Variants in IL4 observed in about 807,000 individuals in gnomAD.
The protein encoded by IL4 is interleukin-4.
A neutral mutation model predicts 17.4 loss-of-function variants in IL4; 10 were observed. That is an observed-to-expected ratio of 0.57 (90% confidence interval 0.35 to 0.97). The LOEUF is 0.97. Among genes scored for constraint, IL4 ranks in the 50% least tolerant of loss-of-function variants. The probability of loss-of-function intolerance (pLI) is 0.01; values close to 1 mark genes in which losing one functional copy is unlikely to be tolerated. For synonymous variants in IL4, 87 were observed against 79.0 expected, an observed-to-expected ratio of 1.10 and a Z score of -0.54; for missense variants, 174 against 187.7, an observed-to-expected ratio of 0.93 and a Z score of 0.43.
chr5:132,679,263 G>A (rs79174766), intron 2 of IL4, among the ~76,000 whole-genome samples: 278 of 152,306 alleles, frequency 1.8e-3, no homozygotes, highest in African/African-American at 6.4e-3. Flanking sequence ...TCCAGGGAAA[G>A]CTGGATTTTA....
At position 132,682,625 on chromosome 5, in the gene IL4, T is replaced by TAAG; in HGVS notation, c.*39_*41dup. 1 of 1,016,362 alleles carries TAAG rather than the reference T, an allele frequency of 9.8e-7. No homozygotes were observed. The highest frequency in any genetic ancestry group is 1.5e-6 in the Non-Finnish European group (1 of 674,254). 63.0% of individuals were successfully genotyped at this position (1,016,362 alleles called of 1,614,324 possible). On this transcript the variant is annotated 3_prime_UTR_variant, in exon 4 of 4. Coordinates refer to ENST00000231449, the MANE Select transcript of IL4 (RefSeq NM_000589.4). ...ATGAGTTTTTGATAGCTTTATTTTT[T>TAAG]AAGTATTTATATATTTATAACTCAT...
chr5:132,682,545 A>G lies in IL4; in HGVS notation c.420A>G (p.Leu140=), dbSNP rs1013339964. ...QSTLENFLER[L]KTIMREKYSK... is the part of the protein sequence containing the mutation. ...CGTTGGAAAACTTCTTGGAAAGGCT[A>G]AAGACGATCATGAGAGAGAAATATT... The change falls in exon 4 of 4, where the codon CTA becomes CTG. Residue 140 remains leucine (L), a synonymous_variant. Coordinates refer to ENST00000231449, the MANE Select transcript of IL4 (RefSeq NM_000589.4). 6.2e-7 allele frequency: 1 copy of G among 1,611,470 alleles called. No individual in the cohort carries two copies. Among genetic ancestry groups the G allele is most frequent in the African/African-American group, 1.3e-5 (1 of 75,006 alleles).
At chr5:132,677,192 G>C (rs1304330886) in intron 2 of IL4, among the ~76,000 whole-genome samples, 1 of 152,190 alleles carries the variant, frequency 6.6e-6, no homozygotes. Context: ...CAATCGGGCT[G>C]GATTTATATG....
rs1166947252 is a variant in IL4, at chr5:132,674,088, T to A, written c.38T>A (p.Phe13Tyr). 5 of 1,614,164 alleles carry A rather than the reference T, an allele frequency of 3.1e-6. No individual in the cohort carries two copies. Among genetic ancestry groups the A allele is most frequent in the Non-Finnish European group, 4.2e-6 (5 of 1,180,010 alleles). Reference sequence around the variant, plus strand: ...TCCCAACTGCTTCCCCCTCTGTTCTTCCTGCTAGCATGTGCCGGCAACTTT... The same window carrying A: ...TCCCAACTGCTTCCCCCTCTGTTCTACCTGCTAGCATGTGCCGGCAACTTT... Reference protein sequence around the residue: ...LTSQLLPPLFFLLACAGNFVH... With the variant: ...LTSQLLPPLFYLLACAGNFVH... Residue 13 changes from phenylalanine to tyrosine, a missense_variant, in exon 1 of 4, where the codon TTC becomes TAC. Physicochemically the swap from Phe to Tyr is conservative, Grantham distance 22 (BLOSUM62 3). Transcript: ENST00000231449.
At chr5:132,679,987 T>C in intron 3 of IL4, 97 bp downstream of exon 3, 1 of 988,690 alleles carries the variant, frequency 1.0e-6, no homozygotes, top group Non-Finnish European at 1.5e-6. Context: ...GCACCCTTGG[T>C]CAACCCATTC....
chr5:132,676,214 T>C (rs995000627), intron 2 of IL4, among the ~76,000 whole-genome samples: 5 of 152,150 alleles, frequency 3.3e-5, no homozygotes, highest in African/African-American at 1.2e-4. Flanking sequence ...TCTTCACACC[T>C]CTCTGCACCT....
chr5:132,677,835 T>A (rs1280279835), intron 2 of IL4: 1 of 152,166 alleles, frequency 6.6e-6, no homozygotes, highest in Non-Finnish European at 1.5e-5. Context: ...CCGCCCCCCA[T>A]CAGCCCGTGT....
chr5:132,682,545 A>T lies in IL4; in HGVS notation c.420A>T (p.Leu140=). ...QSTLENFLER[L]KTIMREKYSK... The stretch of plus-strand genomic sequence containing the variant: ...CGTTGGAAAACTTCTTGGAAAGGCT[A>T]AAGACGATCATGAGAGAGAAATATT... Residue 140 remains leucine (L), a synonymous_variant, in exon 4 of 4, where the codon CTA becomes CTT. Coordinates refer to ENST00000231449, the MANE Select transcript of IL4 (RefSeq NM_000589.4). 2 of 1,611,470 alleles carry T rather than the reference A, an allele frequency of 1.2e-6. No individual in the cohort carries two copies. Among genetic ancestry groups the T allele is most frequent in the Non-Finnish European group, 1.7e-6 (2 of 1,177,712 alleles).
chr5:132,675,294 T>C (rs1002920405), intron 2 of IL4, among the ~76,000 whole-genome samples: 2 of 152,206 alleles, frequency 1.3e-5, no homozygotes, highest in Non-Finnish European at 2.9e-5. Flanking sequence ...AACACACGGC[T>C]GAGAATGAAA....
intron 2 of IL4, among the ~76,000 whole-genome samples, chr5:132,679,199 G>C (rs556168161): frequency 6.6e-6 from 1 of 152,344 alleles, no homozygotes; most frequent in African/African-American, 2.4e-5. Context: ...GGCCAAAGCA[G>C]CAGAGTTCAG....
intron 2 of IL4, among the ~76,000 whole-genome samples, chr5:132,675,792 C>T (rs1485939558): frequency 1.3e-5 from 2 of 151,864 alleles, no homozygotes; most frequent in South Asian, 2.1e-4. Flanking sequence ...TCAAGCAATC[C>T]GTCCACCTCG....
At chr5:132,677,737 G>T (rs1204113659) in intron 2 of IL4, 1 of 151,440 alleles carries the variant, frequency 6.6e-6, no homozygotes, top group Non-Finnish European at 1.5e-5. Flanking sequence ...AGAAGCAAAG[G>T]GCTGACTTTT....
chr5:132,675,687 G>A (rs551566867), intron 2 of IL4, among the ~76,000 whole-genome samples: 16 of 151,920 alleles, frequency 1.1e-4, no homozygotes, highest in Non-Finnish European at 1.5e-4. Flanking sequence ...TAGCCGGGAC[G>A]ACAGGTGTGC....
chr5:132,676,102 G>C (rs1421517271), intron 2 of IL4, among the ~76,000 whole-genome samples: 1 of 152,108 alleles, frequency 6.6e-6, no homozygotes, highest in Non-Finnish European at 1.5e-5. Flanking sequence ...CTAGAAGCCA[G>C]GCCTGGAGGA....
intron 2 of IL4, among the ~76,000 whole-genome samples, chr5:132,675,929 A>ATGTG (rs2234664): frequency 0.51 from 71,588 of 140,910 alleles, 20,860 homozygotes; most frequent in Non-Finnish European, 0.67. Context: ...GTGTATGTAT[A>ATGTG]TGTGTGTGTG....
In IL4 at chr5:132,675,164, C is replaced by T. The variant is rs189184695; in HGVS notation, c.183+658C>T. ...TCTGCCTCCTGTGCTGCCTCACCCC[C>T]ACCCCTCTATCTGTAGTGGGAGGAG... is the stretch of plus-strand genomic sequence containing the variant. On this transcript the variant is annotated intron_variant, in intron 2 of 3. Coordinates refer to ENST00000231449, the MANE Select transcript of IL4 (RefSeq NM_000589.4). 1.0e-3 allele frequency among the ~76,000 whole-genome samples: 157 copies of T among 152,338 alleles called. 2 individuals are homozygous for T. Among genetic ancestry groups the T allele is most frequent in the African/African-American group, 3.7e-3 (152 of 41,578 alleles).
intron 2 of IL4, among the ~76,000 whole-genome samples, chr5:132,679,378 G>A (rs1427922165): frequency 6.6e-6 from 1 of 152,216 alleles, no homozygotes; most frequent in Non-Finnish European, 1.5e-5. Context: ...AACGTGGGCT[G>A]TAGCGACAGA....
chr5:132,679,540 G>A (rs188129913), intron 2 of IL4, among the ~76,000 whole-genome samples, 174 bp from the exon 3 acceptor site: 1 of 152,264 alleles, frequency 6.6e-6, no homozygotes, highest in East Asian at 1.9e-4. Flanking sequence ...GTTGACAGAG[G>A]TTTATGTCTG....
intron 3 of IL4, among the ~76,000 whole-genome samples, chr5:132,681,181 G>A (rs904625608): frequency 6.6e-6 from 1 of 151,448 alleles, no homozygotes; most frequent in Non-Finnish European, 1.5e-5. Flanking sequence ...AGAGATCAAA[G>A]GACTGAGCCT....
Sources: gnomAD v4.1 joint callset for allele counts (sites outside exome capture counted in the v4.1 genomes callset) on GRCh38, gnomAD v4.1.1 for gene constraint, MANE v1.5 for transcripts, NCBI Gene and HGNC (gene_info 2026-07-23, HGNC 2026-07-21) for gene names.